Variants in NIPBL observed in about 807,000 individuals in gnomAD.
The protein encoded by NIPBL is nipped-B-like protein.
NIPBL carries 19 observed loss-of-function variants against 321.8 expected under a neutral mutation model. The ratio of observed to expected loss-of-function variants is 0.06; its 90% CI spans 0.04 to 0.09. The LOEUF (loss-of-function observed/expected upper bound fraction) is 0.09. NIPBL is among the 10% of genes least tolerant of loss of function. NIPBL has a pLI of 1.00. For missense variants in NIPBL, 2,210 were observed against 3,327.0 expected (o/e 0.66, Z 8.26); for synonymous variants, 1,106 against 1,114.1 (o/e 0.99, Z 0.14).
intron 25 of NIPBL, among the ~76,000 whole-genome samples, chr5:37,020,147 G>A (rs1460745024): frequency 6.6e-6 from 1 of 152,140 alleles, no homozygotes; most frequent in Non-Finnish European, 1.5e-5. Flanking sequence ...CCCATCATCT[G>A]TTTAACTTTG....
intron 1 of NIPBL, among the ~76,000 whole-genome samples, chr5:36,944,460 C>G (rs1423142946): frequency 6.6e-6 from 1 of 152,012 alleles, no homozygotes; most frequent in Non-Finnish European, 1.5e-5. Flanking sequence ...AACTGAAGAT[C>G]AAAAATCAAA....
At chr5:36,960,925 T>C (rs566751217) in intron 4 of NIPBL, among the ~76,000 whole-genome samples, 3 of 152,294 alleles carry the variant, frequency 2.0e-5, no homozygotes, top group Admixed American at 1.3e-4. Flanking sequence ...CAAAGAGTTA[T>C]TGTGAAAGAA....
At chr5:37,011,073 C>T (rs368499436) in intron 21 of NIPBL, among the ~76,000 whole-genome samples, 2 of 152,130 alleles carry the variant, frequency 1.3e-5, no homozygotes, top group Non-Finnish European at 1.5e-5. Context: ...AGTTTATTCC[C>T]TCCCTAATAG....
At chr5:37,041,256 T>G (rs1480948938) in intron 34 of NIPBL, among the ~76,000 whole-genome samples, 10 of 117,322 alleles carry the variant, frequency 8.5e-5, no homozygotes, top group East Asian at 2.3e-4. Flanking sequence ...GTGGTGGTTT[T>G]TTTTTTTTTT....
intron 24 of NIPBL, 27 bp downstream of exon 24, chr5:37,017,189 G>A: frequency 6.4e-7 from 1 of 1,573,630 alleles, no homozygotes; most frequent in Non-Finnish European, 8.7e-7. Context: ...TTAAAATTAT[G>A]GGAATGAATA....
chr5:36,894,640 T>C (rs1172775974), intron 1 of NIPBL, among the ~76,000 whole-genome samples: 1 of 152,122 alleles, frequency 6.6e-6, no homozygotes, highest in Non-Finnish European at 1.5e-5. Context: ...TGATCTTATG[T>C]TTTTTTCCCC....
chr5:37,000,415 A>G lies in NIPBL; in HGVS notation c.3347A>G (p.Glu1116Gly), dbSNP rs552620284. The G allele has an allele frequency of 1.2e-6, 2 of 1,613,344 alleles. No homozygotes were observed. Among genetic ancestry groups the G allele is most frequent in the South Asian group, 2.2e-5 (2 of 91,052 alleles). Residue 1116 changes from glutamate to glycine, a missense_variant, in exon 12 of 47, where the codon GAA (glutamate) becomes GGA (glycine). This residue lies in a region of NIPBL where 381 missense variants were observed against 642.3 expected (regional missense o/e 0.59). Coordinates refer to ENST00000282516, the MANE Select transcript of NIPBL (RefSeq NM_133433.4). The stretch of plus-strand genomic sequence containing the variant: ...AAAAAAGATGATGATAAAGCTTGGG[A>G]ATATGAAGAGCGTGACAGAAGAAGC... ...RHKKDDDKAW[E>G]YEERDRRSSG... is the part of the protein sequence containing the mutation.
At chr5:36,893,632 A>C (rs1374745142) in intron 1 of NIPBL, among the ~76,000 whole-genome samples, 2 of 152,074 alleles carry the variant, frequency 1.3e-5, no homozygotes, top group African/African-American at 4.8e-5. Context: ...TAGATATTTG[A>C]TATGGACTTT....
intron 1 of NIPBL, among the ~76,000 whole-genome samples, chr5:36,948,667 T>C (rs1739950292): frequency 6.6e-6 from 1 of 151,908 alleles, no homozygotes; most frequent in Non-Finnish European, 1.5e-5. Flanking sequence ...GTTATGAACT[T>C]AACATAAAAA....
At chr5:36,953,924 A>G (rs1740670537) in intron 2 of NIPBL, among the ~76,000 whole-genome samples, 164 bp downstream of exon 2, 1 of 152,180 alleles carries the variant, frequency 6.6e-6, no homozygotes, top group Non-Finnish European at 1.5e-5. Context: ...TAATTTATCT[A>G]ACTTCTTAGT....
chr5:36,954,705 A>G (rs922227680), intron 2 of NIPBL, among the ~76,000 whole-genome samples: 4 of 152,118 alleles, frequency 2.6e-5, no homozygotes, highest in Non-Finnish European at 5.9e-5. Context: ...TGTTTTTATT[A>G]ATGAGAATCC....
intron 43 of NIPBL, 54 bp downstream of exon 43, chr5:37,057,386 G>A (rs951883354): frequency 1.3e-6 from 2 of 1,489,522 alleles, no homozygotes; most frequent in Non-Finnish European, 9.3e-7. Context: ...CAGGCATGCT[G>A]TTTTCACTGT....
Position 37,013,152 on chromosome 5 carries a change from G to A in NIPBL, c.4561-1531G>A, listed in dbSNP as rs1189674825. 3.1e-3 allele frequency among the ~76,000 whole-genome samples: 463 copies of A among 148,616 alleles called. 5 individuals are homozygous for A. Among genetic ancestry groups the A allele is most frequent in the African/African-American group, 0.011 (446 of 40,022 alleles). On this transcript the variant is annotated intron_variant, in intron 21 of 46. Transcript: ENST00000282516. ...GCGCCCCTCACCTCCCGGACGGGGC[G>A]GCTGGCCAGGCGGGGGGCTGACCCC...
intron 43 of NIPBL, 89 bp from the exon 44 acceptor site, chr5:37,058,798 TAAGG>T (rs1172919619): frequency 8.9e-7 from 1 of 1,121,180 alleles, no homozygotes; most frequent in Non-Finnish European, 1.3e-6. Flanking sequence ...AATATTAGTT[TAAGG>T]AAGCTTTTTC....
chr5:36,994,434 G>C (rs907540914), intron 10 of NIPBL, among the ~76,000 whole-genome samples: 1 of 152,042 alleles, frequency 6.6e-6, no homozygotes, highest in Non-Finnish European at 1.5e-5. Context: ...TCTCCATCTT[G>C]AGTTATTTGA....
intron 1 of NIPBL, among the ~76,000 whole-genome samples, chr5:36,918,299 G>A (rs1748634763): frequency 6.6e-6 from 1 of 152,092 alleles, no homozygotes; most frequent in Admixed American, 6.5e-5. Context: ...GTGAGTGGGA[G>A]TTCACTCATG....
intron 8 of NIPBL, among the ~76,000 whole-genome samples, chr5:36,975,548 CATACTT>C (rs1358492254): frequency 6.6e-6 from 1 of 152,236 alleles, no homozygotes; most frequent in Non-Finnish European, 1.5e-5. Flanking sequence ...ATTGAATACT[CATACTT>C]AGATTCAAAC....
At chr5:36,980,763 C>A (rs1744050835) in intron 9 of NIPBL, among the ~76,000 whole-genome samples, 1 of 151,624 alleles carries the variant, frequency 6.6e-6, no homozygotes, top group Admixed American at 6.6e-5. Flanking sequence ...TGTTGTTAAG[C>A]AATACATGAA....
Position 37,049,208 on chromosome 5 carries a change from T to G in NIPBL, c.6861T>G (p.Leu2287=). ...SIMQLYLKQV[L]EAFFHTQSSV... ...TGCAGCTTTATCTCAAACAGGTGCT[T>G]GAGGCATTTTTTCACACCCAGTCAA... The change falls in exon 40 of 47, where the codon CTT becomes CTG. Residue 2287 remains leucine (L), a synonymous_variant. Transcript: ENST00000282516. The G allele has an allele frequency of 6.2e-7, 1 of 1,614,150 alleles. No individual in the cohort carries two copies. Among genetic ancestry groups the G allele is most frequent in the Non-Finnish European group, 8.5e-7 (1 of 1,180,008 alleles).
Sources: allele counts gnomAD v4.1 joint callset (sites outside exome capture counted in the v4.1 genomes callset), GRCh38; gene constraint gnomAD v4.1.1; regional missense constraint gnomAD v4.1.1; transcripts MANE v1.5; gene names NCBI Gene and HGNC (gene_info 2026-07-23, HGNC 2026-07-21).